Variants in DNAAF9 observed in about 807,000 individuals in gnomAD.
DNAAF9 encodes the protein shulin.
In DNAAF9, 90 loss-of-function variants were observed where a neutral mutation model predicts 167.0. That is an observed-to-expected ratio of 0.54 (90% CI 0.45 to 0.64). DNAAF9 has a LOEUF of 0.64. Ranked by LOEUF, DNAAF9 falls within the 30% of genes least tolerant of loss-of-function variation. DNAAF9 has a pLI of 0.00. For missense variants in DNAAF9, 1,315 were observed against 1,442.2 expected, an observed-to-expected ratio of 0.91 and a Z score of 1.43; for synonymous variants, 491 against 508.8, an observed-to-expected ratio of 0.96 and a Z score of 0.47.
intron 7 of DNAAF9, among the ~76,000 whole-genome samples, chr20:3,352,418 A>G (rs1478111627): frequency 6.6e-6 from 1 of 152,138 alleles, no homozygotes; most frequent in Non-Finnish European, 1.5e-5. Context: ...GGAGATAAAT[A>G]CACTTCTAGC....
chr20:3,331,129 A>G (rs2069821442), intron 11 of DNAAF9, among the ~76,000 whole-genome samples: 2 of 152,142 alleles, frequency 1.3e-5, no homozygotes, highest in South Asian at 4.1e-4. Context: ...ACAAACACCA[A>G]CAACAGTGGA....
intron 1 of DNAAF9, among the ~76,000 whole-genome samples, chr20:3,394,983 T>A (rs2083883658): frequency 1.1e-5 from 1 of 93,522 alleles, no homozygotes; most frequent in African/African-American, 4.9e-5. Flanking sequence ...TTTTTTTTTT[T>A]TTGAGACGGA....
intron 1 of DNAAF9, among the ~76,000 whole-genome samples, chr20:3,404,076 C>A (rs1445036308): frequency 6.6e-6 from 1 of 152,238 alleles, no homozygotes; most frequent in Non-Finnish European, 1.5e-5. Context: ...GTTGCCCACA[C>A]TGGAGTGCAA....
At chr20:3,321,529 G>C (rs1421062612) in intron 16 of DNAAF9, among the ~76,000 whole-genome samples, 12 of 152,174 alleles carry the variant, frequency 7.9e-5, no homozygotes, top group Non-Finnish European at 7.4e-5. Context: ...ATGTCCTTTT[G>C]TGGTACAGGA....
intron 33 of DNAAF9, among the ~76,000 whole-genome samples, chr20:3,257,087 C>T (rs936668888): frequency 2.6e-5 from 4 of 152,050 alleles, no homozygotes; most frequent in Admixed American, 6.6e-5. Flanking sequence ...GTGTTACATG[C>T]TAAGGAGATG....
chr20:3,362,428 A>G (rs1302062467), intron 6 of DNAAF9: 3 of 423,196 alleles, frequency 7.1e-6, no homozygotes, highest in African/African-American at 2.1e-5. Context: ...TTACATTCCA[A>G]TTTGCTTTCT....
chr20:3,292,499 G>T (rs560500230), intron 25 of DNAAF9, among the ~76,000 whole-genome samples: 19 of 152,256 alleles, frequency 1.2e-4, no homozygotes, highest in African/African-American at 4.3e-4. Flanking sequence ...GGGCGCGGTG[G>T]CTCATGTCTG....
At chr20:3,355,406 C>T (rs1481190259) in intron 7 of DNAAF9, among the ~76,000 whole-genome samples, 1 of 152,044 alleles carries the variant, frequency 6.6e-6, no homozygotes, top group Non-Finnish European at 1.5e-5. Context: ...AAAACCCCGT[C>T]TCTACTAAAA....
intron 8 of DNAAF9, among the ~76,000 whole-genome samples, 156 bp from the exon 9 acceptor site, chr20:3,343,887 G>A (rs1199681408): frequency 6.6e-6 from 1 of 151,980 alleles, no homozygotes; most frequent in Non-Finnish European, 1.5e-5. Context: ...GTGTGTGACA[G>A]AGAGAGCTAC....
At chr20:3,361,764 CTT>C (rs2083368192) in intron 6 of DNAAF9, 1 of 967,046 alleles carries the variant, frequency 1.0e-6, no homozygotes, top group Non-Finnish European at 1.5e-6. Context: ...TGGGAGCTTC[CTT>C]TCCAGTACTC....
chr20:3,353,199 G>GCT (rs1213948396), intron 7 of DNAAF9, among the ~76,000 whole-genome samples: 3 of 151,132 alleles, frequency 2.0e-5, no homozygotes, highest in Non-Finnish European at 4.4e-5. Context: ...ACATTTGTCT[G>GCT]CTCTCTCTCT....
intron 25 of DNAAF9, 44 bp downstream of exon 25, chr20:3,294,095 T>C (rs1261485581): frequency 1.8e-6 from 2 of 1,094,208 alleles, no homozygotes; most frequent in Non-Finnish European, 2.8e-6. Flanking sequence ...GCTCTCAAGA[T>C]CATCTTCCTG....
chr20:3,269,826 C>G (rs899289206), intron 30 of DNAAF9, among the ~76,000 whole-genome samples: 1 of 151,830 alleles, frequency 6.6e-6, no homozygotes, highest in African/African-American at 2.4e-5. Flanking sequence ...GGCGTGGTGG[C>G]GGGCGCCTGT....
intron 20 of DNAAF9, among the ~76,000 whole-genome samples, chr20:3,314,395 G>T (rs369977546): frequency 2.0e-5 from 3 of 152,162 alleles, no homozygotes; most frequent in Non-Finnish European, 2.9e-5. Flanking sequence ...TTCAATACAA[G>T]AAGGTTCTTT....
At chr20:3,369,585 CG>C (rs1715548225) in intron 6 of DNAAF9, among the ~76,000 whole-genome samples, 1 of 152,040 alleles carries the variant, frequency 6.6e-6, no homozygotes, top group Non-Finnish European at 1.5e-5. Flanking sequence ...CTGTGTTGAC[CG>C]AGCTGGTCTT....
chr20:3,280,639 A>G (rs2068749665), intron 28 of DNAAF9, among the ~76,000 whole-genome samples: 1 of 151,242 alleles, frequency 6.6e-6, no homozygotes, highest in Non-Finnish European at 1.5e-5. Flanking sequence ...TTTTTTTGAG[A>G]TAGCGTCTCA....
At position 3,287,727 on chromosome 20, in the gene DNAAF9, T is replaced by C. The variant is rs1241821698; in HGVS notation, c.2391A>G (p.Arg797=). 6.2e-7 allele frequency: 1 copy of C among 1,614,160 alleles called. No homozygotes were observed. Residue 797 remains arginine, a synonymous_variant, in exon 27 of 37, where the codon AGA becomes AGG. Coordinates refer to ENST00000252032, the MANE Select transcript of DNAAF9 (RefSeq NM_001009984.3). The stretch of plus-strand genomic sequence containing the variant: ...GGGCCTCTAGGGCACTGGAAAGGTA[T>C]CTCTGGAAGTGTGCAGCATGAAAAC... ...SECFHAAHFQ[R]YLSSALEAQQ...
At position 3,382,414 on chromosome 20, in the gene DNAAF9, TAAA is replaced by T; in HGVS notation, c.163+10_163+12del. The T allele has an allele frequency of 6.2e-7, 1 of 1,608,810 alleles. No individual in the cohort carries two copies. The highest frequency in any genetic ancestry group is 8.5e-7 in the Non-Finnish European group (1 of 1,175,460). ...GCCCAAGCCCTGAGTCCCACCTTGT[TAAA>T]AGCACTGACCTAGGATGCAGAGGAT... is the stretch of plus-strand genomic sequence containing the variant. On this transcript the variant is annotated intron_variant, in intron 2 of 36. Transcript: ENST00000252032.
intron 6 of DNAAF9, among the ~76,000 whole-genome samples, chr20:3,360,345 G>A (rs1424196067): frequency 2.6e-5 from 4 of 151,870 alleles, no homozygotes; most frequent in Non-Finnish European, 4.4e-5. Flanking sequence ...TCAAACTCTC[G>A]GACTCAAGTA....
Sources: allele counts gnomAD v4.1 joint callset (sites outside exome capture counted in the v4.1 genomes callset), GRCh38; gene constraint gnomAD v4.1.1; transcripts MANE v1.5; gene names NCBI Gene and HGNC (gene_info 2026-07-23, HGNC 2026-07-21).